Variants in TCF7L1 observed in about 807,000 individuals in gnomAD.
The protein encoded by TCF7L1 is transcription factor 7 like 1, also known as transcription factor 7-like 1.
A neutral mutation model predicts 63.7 loss-of-function variants in TCF7L1; 18 were observed. The ratio of observed to expected loss-of-function variants is 0.28; its 90% CI spans 0.20 to 0.42. TCF7L1 has a LOEUF of 0.42. Among genes scored for constraint, TCF7L1 ranks in the 10% least tolerant of loss-of-function variants. The pLI, the probability that TCF7L1 is intolerant of heterozygous loss-of-function variation, is 1.00. For missense variants in TCF7L1, 654 were observed against 779.3 expected (o/e 0.84, Z 1.91); for synonymous variants, 355 against 340.9 (o/e 1.04, Z -0.46).
chr2:85,293,324 C>T (rs1036583706), intron 4 of TCF7L1, among the ~76,000 whole-genome samples: 2 of 152,092 alleles, frequency 1.3e-5, no homozygotes, highest in African/African-American at 2.4e-5. Flanking sequence ...CTTGTGATGG[C>T]GAGCAAGTTT....
At chr2:85,240,667 C>T (rs1173504265) in intron 3 of TCF7L1, among the ~76,000 whole-genome samples, 6 of 151,192 alleles carry the variant, frequency 4.0e-5, no homozygotes, top group South Asian at 2.1e-4. Context: ...CCTGTAATCC[C>T]AGCTACTCTG....
chr2:85,255,213 G>A lies in TCF7L1; in HGVS notation c.442-28282G>A, dbSNP rs533353209. Among the ~76,000 whole-genome samples, 16 of 152,242 alleles carry A rather than the reference G, an allele frequency of 1.1e-4. No homozygotes were observed. In the East Asian group the frequency reaches 2.5e-3, roughly 24 times the overall value. On this transcript the variant is annotated intron_variant, in intron 3 of 11. Coordinates refer to ENST00000282111, the MANE Select transcript of TCF7L1 (RefSeq NM_031283.3). ...AACAGGATCCTCAGCTAATGCATGC[G>A]ATTGTTCACTTCCAGGGCCTCTGGT...
intron 3 of TCF7L1, among the ~76,000 whole-genome samples, chr2:85,164,848 T>G (rs1347857007): frequency 1.3e-5 from 2 of 152,232 alleles, no homozygotes; most frequent in African/African-American, 4.8e-5. Context: ...GTAGAGTCAT[T>G]GTAAATGTCT....
At chr2:85,173,058 G>C (rs1314460322) in intron 3 of TCF7L1, among the ~76,000 whole-genome samples, 7 of 152,220 alleles carry the variant, frequency 4.6e-5, no homozygotes, top group Admixed American at 3.9e-4. Flanking sequence ...AGTGGCAGCA[G>C]TATTTTAAAA....
intron 3 of TCF7L1, among the ~76,000 whole-genome samples, chr2:85,169,442 C>T (rs1437390884): frequency 1.3e-5 from 2 of 151,200 alleles, no homozygotes; most frequent in Non-Finnish European, 3.0e-5. Flanking sequence ...CTCACTGCAA[C>T]CTCGAACTCC....
intron 4 of TCF7L1, among the ~76,000 whole-genome samples, chr2:85,289,173 A>G (rs951987078): frequency 1.3e-5 from 2 of 152,104 alleles, no homozygotes; most frequent in Admixed American, 1.3e-4. Flanking sequence ...AAAAAGATCT[A>G]TAATCCCACA....
intron 3 of TCF7L1, among the ~76,000 whole-genome samples, chr2:85,234,595 T>G (rs1258565866): frequency 1.3e-5 from 2 of 152,214 alleles, no homozygotes; most frequent in Non-Finnish European, 2.9e-5. Flanking sequence ...TCTTGAGAAG[T>G]CTTGGACCAC....
intron 3 of TCF7L1, among the ~76,000 whole-genome samples, chr2:85,193,985 T>G (rs1679093875): frequency 6.7e-6 from 1 of 150,294 alleles, no homozygotes; most frequent in Non-Finnish European, 1.5e-5. Flanking sequence ...AAAAAGGCCC[T>G]CCTGTGGCTG....
chr2:85,290,638 A>C (rs1028437268), intron 4 of TCF7L1, among the ~76,000 whole-genome samples: 4 of 152,206 alleles, frequency 2.6e-5, no homozygotes, highest in African/African-American at 9.6e-5. Flanking sequence ...AAAATAAAAA[A>C]GATATAGGAC....
At chr2:85,147,892 G>A (rs1292084783) in intron 3 of TCF7L1, among the ~76,000 whole-genome samples, 2 of 152,044 alleles carry the variant, frequency 1.3e-5, no homozygotes, top group Non-Finnish European at 2.9e-5. Context: ...TAAACCCATC[G>A]TAAAGTCAAA....
intron 3 of TCF7L1, chr2:85,186,903 G>C (rs1455046173): frequency 6.6e-6 from 1 of 152,150 alleles, no homozygotes; most frequent in Non-Finnish European, 1.5e-5. Flanking sequence ...AAACAACAAC[G>C]AACTGCCACC....
At chr2:85,307,168 A>ACTC (rs1682134847) in intron 10 of TCF7L1, among the ~76,000 whole-genome samples, 1 of 105,960 alleles carries the variant, frequency 9.4e-6, no homozygotes, top group Admixed American at 1.2e-4. Context: ...GTCTCCAGCC[A>ACTC]CTCCTAACCC....
At chr2:85,162,070 A>G (rs865889239) in intron 3 of TCF7L1, among the ~76,000 whole-genome samples, 2 of 151,798 alleles carry the variant, frequency 1.3e-5, no homozygotes, top group Non-Finnish European at 2.9e-5. Flanking sequence ...AAAAAAAAAA[A>G]TCAGAATACA....
chr2:85,133,597 A>G lies in TCF7L1; in HGVS notation c.-88A>G. The G allele has an allele frequency of 4.8e-6, 2 of 413,510 alleles. No homozygotes were observed. Among genetic ancestry groups the G allele is most frequent in the Non-Finnish European group, 6.5e-6 (2 of 309,482 alleles). 25.6% of individuals were successfully genotyped at this position (413,510 alleles called of 1,614,324 possible). On this transcript the variant is annotated 5_prime_UTR_variant, in exon 1 of 12. Transcript: ENST00000282111. This position sits in a 1 kb window ranked among gnomAD's most constrained non-coding sequence, Gnocchi z 4.4. Reference sequence around the variant, plus strand: ...CGGCGGCTAGCGCAGCGGGCCCGCAAGCGGGCGGGAGGGGCGCCGGGCCGG... The same window carrying G: ...CGGCGGCTAGCGCAGCGGGCCCGCAGGCGGGCGGGAGGGGCGCCGGGCCGG...
At chr2:85,188,080 A>C (rs1222976512) in intron 3 of TCF7L1, among the ~76,000 whole-genome samples, 1 of 152,250 alleles carries the variant, frequency 6.6e-6, no homozygotes, top group Non-Finnish European at 1.5e-5. Flanking sequence ...GTGAAATGAC[A>C]AAATTATAGC....
At chr2:85,257,077 A>C (rs1189371965) in intron 3 of TCF7L1, among the ~76,000 whole-genome samples, 1 of 151,992 alleles carries the variant, frequency 6.6e-6, no homozygotes, top group African/African-American at 2.4e-5. Flanking sequence ...AGCTGGCTGT[A>C]GTGGCACATG....
intron 7 of TCF7L1, among the ~76,000 whole-genome samples, chr2:85,304,880 C>T (rs994309998): frequency 2.0e-5 from 3 of 152,100 alleles, no homozygotes; most frequent in East Asian, 1.9e-4. Context: ...GGAGAGGAGA[C>T]GGTGAAAGGG....
chr2:85,229,959 G>C (rs998885073), intron 3 of TCF7L1, among the ~76,000 whole-genome samples: 1 of 152,218 alleles, frequency 6.6e-6, no homozygotes, highest in African/African-American at 2.4e-5. Flanking sequence ...AATGAGCTGA[G>C]ATAGTGCCAG....
At chr2:85,236,005 C>T (rs757273454) in intron 3 of TCF7L1, among the ~76,000 whole-genome samples, 1 of 151,938 alleles carries the variant, frequency 6.6e-6, no homozygotes, top group African/African-American at 2.4e-5. Flanking sequence ...CAAAAAAAAT[C>T]AAAAAATTAG....
Sources: allele counts gnomAD v4.1 joint callset (sites outside exome capture counted in the v4.1 genomes callset), GRCh38; gene constraint gnomAD v4.1.1; non-coding constraint Gnocchi (gnomAD v3.1); transcripts MANE v1.5; gene names NCBI Gene and HGNC (gene_info 2026-07-23, HGNC 2026-07-21).